The following ASTN1 variants were observed in gnomAD, a reference collection of about 807,000 sequenced individuals.
ASTN1 encodes the protein astrotactin 1.
ASTN1 carries 41 observed loss-of-function variants against 140.7 expected under a neutral mutation model. The ratio of observed to expected loss-of-function variants is 0.29; its 90% CI spans 0.23 to 0.38. The LOEUF (loss-of-function observed/expected upper bound fraction) is 0.38. Among genes scored for constraint, ASTN1 ranks in the 10% least tolerant of loss-of-function variants. The pLI is 1.00. For missense variants in ASTN1, 1,479 were observed against 1,678.8 expected, an observed-to-expected ratio of 0.88 and a Z score of 2.08; for synonymous variants, 640 against 652.2, an observed-to-expected ratio of 0.98 and a Z score of 0.29.
chr1:176,964,524 C>T (rs921033352), intron 9 of ASTN1, among the ~76,000 whole-genome samples: 1 of 152,166 alleles, frequency 6.6e-6, no homozygotes, highest in African/African-American at 2.4e-5. Flanking sequence ...TAATTGAATC[C>T]TTCCTGGCTG....
At chr1:177,009,410 T>G (rs2101929417) in intron 8 of ASTN1, among the ~76,000 whole-genome samples, 1 of 152,330 alleles carries the variant, frequency 6.6e-6, no homozygotes, top group South Asian at 2.1e-4. Flanking sequence ...CAAGGACATG[T>G]TTTGAGCAAG....
intron 16 of ASTN1, among the ~76,000 whole-genome samples, chr1:176,906,708 G>A (rs935111999): frequency 6.6e-6 from 1 of 152,116 alleles, no homozygotes; most frequent in South Asian, 2.1e-4. Context: ...ATGAAAATTA[G>A]CCAGGCGTGG....
intron 7 of ASTN1, among the ~76,000 whole-genome samples, chr1:177,017,617 T>G (rs10798495): frequency 6.6e-6 from 1 of 152,032 alleles, no homozygotes; most frequent in Non-Finnish European, 1.5e-5. Flanking sequence ...TGGGAACGCA[T>G]GAGGCGCCGA....
intron 1 of ASTN1, among the ~76,000 whole-genome samples, chr1:177,136,278 A>G (rs2102213500): frequency 6.6e-6 from 1 of 152,108 alleles, no homozygotes; most frequent in East Asian, 1.9e-4. Flanking sequence ...AAATATCCCA[A>G]TAGAATAGTC....
intron 16 of ASTN1, among the ~76,000 whole-genome samples, chr1:176,923,937 C>T (rs1221922765): frequency 6.6e-6 from 1 of 152,096 alleles, no homozygotes. Flanking sequence ...AACACATTTC[C>T]TGCAGAGATA....
intron 1 of ASTN1, among the ~76,000 whole-genome samples, chr1:177,128,345 A>T (rs1225324407): frequency 6.6e-6 from 1 of 152,218 alleles, no homozygotes; most frequent in African/African-American, 2.4e-5. Context: ...GTGAGTTCAA[A>T]GACCCAAATT....
intron 1 of ASTN1, among the ~76,000 whole-genome samples, chr1:177,070,719 G>A (rs1678594573): frequency 6.6e-6 from 1 of 152,150 alleles, no homozygotes; most frequent in South Asian, 2.1e-4. Flanking sequence ...CAACCTACTT[G>A]ACCAAGTTCA....
chr1:176,982,769 A>T (rs950618027), intron 8 of ASTN1, among the ~76,000 whole-genome samples: 4 of 152,202 alleles, frequency 2.6e-5, no homozygotes, highest in Non-Finnish European at 5.9e-5. Flanking sequence ...GCATAGAGAG[A>T]GAACAATTGC....
At chr1:177,111,687 G>A (rs1372451748) in intron 1 of ASTN1, among the ~76,000 whole-genome samples, 1 of 152,146 alleles carries the variant, frequency 6.6e-6, no homozygotes, top group Non-Finnish European at 1.5e-5. Flanking sequence ...ACAAAAGACT[G>A]GTACGAGAGT....
chr1:176,969,366 G>A lies in ASTN1; in HGVS notation c.1524-4129C>T, dbSNP rs147083225. ...GTATGGGCCACAGAGGAAACACTTT[G>A]TCTCCTCATTAGGAAAAAAAATAAT... On this transcript the variant is annotated intron_variant, in intron 8 of 22. Coordinates refer to ENST00000361833, the MANE Select transcript of ASTN1 (RefSeq NM_004319.3). Among the ~76,000 whole-genome samples the A allele has an allele frequency of 2.7e-4, 41 of 152,254 alleles. 2 individuals are homozygous for A. In the East Asian group the frequency reaches 5.4e-3, roughly 20 times the overall value.
intron 8 of ASTN1, among the ~76,000 whole-genome samples, chr1:176,984,045 C>T (rs1164412488): frequency 6.6e-6 from 1 of 152,176 alleles, no homozygotes; most frequent in African/African-American, 2.4e-5. Flanking sequence ...TCAGGAAGTC[C>T]AGTGATTGTA....
chr1:177,031,499 G>A (rs979595361), intron 3 of ASTN1, among the ~76,000 whole-genome samples: 2 of 152,176 alleles, frequency 1.3e-5, no homozygotes, highest in Non-Finnish European at 2.9e-5. Context: ...AGGTGTTATG[G>A]TCAATATGAA....
intron 1 of ASTN1, among the ~76,000 whole-genome samples, chr1:177,144,150 ATT>A (rs11389941): frequency 9.3e-5 from 13 of 139,544 alleles, no homozygotes; most frequent in African/African-American, 2.1e-4. Flanking sequence ...CTGGAACATG[ATT>A]TTTTTTTTTT....
intron 8 of ASTN1, among the ~76,000 whole-genome samples, chr1:177,007,703 T>C (rs1352792257): frequency 6.6e-6 from 1 of 152,138 alleles, no homozygotes; most frequent in Admixed American, 6.5e-5. Flanking sequence ...CACGAGTCAC[T>C]CATTAGGGCA....
downstream of ASTN1, chr1:176,857,572 G>A: frequency 1.8e-6 from 1 of 566,984 alleles, no homozygotes; most frequent in Non-Finnish European, 3.2e-6. Context: ...CAGGGAGAAG[G>A]GGAAATACCC....
At chr1:177,118,777 C>T (rs1030382964) in intron 1 of ASTN1, among the ~76,000 whole-genome samples, 1 of 152,036 alleles carries the variant, frequency 6.6e-6, no homozygotes, top group East Asian at 1.9e-4. Context: ...TAGGTAAATG[C>T]CCCAGGAAGG....
chr1:177,062,283 T>C (rs1451246517), intron 1 of ASTN1, among the ~76,000 whole-genome samples: 2 of 151,992 alleles, frequency 1.3e-5, no homozygotes, highest in African/African-American at 4.8e-5. Flanking sequence ...CTCTGTCATC[T>C]AGGCTAGAGA....
intron 1 of ASTN1, among the ~76,000 whole-genome samples, chr1:177,143,422 G>A (rs1682560985): frequency 6.6e-6 from 1 of 152,136 alleles, no homozygotes; most frequent in African/African-American, 2.4e-5. Context: ...GAACCATCGT[G>A]GATGGAGAAT....
At chr1:177,104,136 C>A (rs568637373) in intron 1 of ASTN1, among the ~76,000 whole-genome samples, 1 of 152,076 alleles carries the variant, frequency 6.6e-6, no homozygotes, top group African/African-American at 2.4e-5. Flanking sequence ...TCCTAACAAG[C>A]AGAGCATGGC....
Sources: gnomAD v4.1 joint callset for allele counts (sites outside exome capture counted in the v4.1 genomes callset) on GRCh38, gnomAD v4.1.1 for gene constraint, MANE v1.5 for transcripts, NCBI Gene and HGNC (gene_info 2026-07-23, HGNC 2026-07-21) for gene names.